The following FGF12 variants were observed in gnomAD, a reference collection of about 807,000 sequenced individuals.
The protein encoded by FGF12 is fibroblast growth factor 12B.
In FGF12, 14 loss-of-function variants were observed where a neutral mutation model predicts 23.6. The ratio of observed to expected loss-of-function variants is 0.59; its 90% CI spans 0.39 to 0.93. FGF12 has a LOEUF of 0.93. Among genes scored for constraint, FGF12 ranks in the 40% least tolerant of loss-of-function variants. FGF12 has a pLI of 0.00. For synonymous variants in FGF12, 62 were observed against 77.3 expected (o/e 0.80, Z 1.04); for missense variants, 175 against 217.8 (o/e 0.80, Z 1.24).
At chr3:192,403,904 A>T (rs73193592) in intron 2 of FGF12, among the ~76,000 whole-genome samples, 139 of 152,310 alleles carry the variant, frequency 9.1e-4, no homozygotes, top group Non-Finnish European at 1.7e-3. Flanking sequence ...GCATCTACCG[A>T]AACAATGTAA....
intron 2 of FGF12, among the ~76,000 whole-genome samples, chr3:192,361,026 G>C (rs1232481228): frequency 6.6e-6 from 1 of 152,014 alleles, no homozygotes; most frequent in Non-Finnish European, 1.5e-5. Flanking sequence ...AGAAAGAATA[G>C]TTTGGAGAAG....
chr3:192,699,676 G>A (rs995037224), intron 2 of FGF12, among the ~76,000 whole-genome samples: 1 of 152,112 alleles, frequency 6.6e-6, no homozygotes, highest in Non-Finnish European at 1.5e-5. Context: ...AATTTATCCT[G>A]AGCTTGACCT....
chr3:192,682,708 A>G, intron 2 of FGF12, among the ~76,000 whole-genome samples: 1 of 152,162 alleles, frequency 6.6e-6, no homozygotes, highest in East Asian at 1.9e-4. Flanking sequence ...CCCATGAACC[A>G]CACCTGAGTT....
chr3:192,510,349 C>T lies in FGF12; in HGVS notation c.14-149811G>A, dbSNP rs567805457. On this transcript the variant is annotated intron_variant, in intron 2 of 5. Transcript: ENST00000445105. ...GAGACACCTCAACAAAGAAAATACACAGGTGGCAAGCAAGGATATGAAAAG... is the reference window on the plus strand; with the variant it reads ...GAGACACCTCAACAAAGAAAATACATAGGTGGCAAGCAAGGATATGAAAAG... Among the ~76,000 whole-genome samples, 48 of 152,296 alleles carry T rather than the reference C, an allele frequency of 3.2e-4. No homozygotes were observed. The South Asian group carries it at 9.7e-3, about 31-fold the overall frequency.
intron 4 of FGF12, among the ~76,000 whole-genome samples, chr3:192,318,511 G>A (rs1045287547): frequency 2.6e-5 from 4 of 152,020 alleles, no homozygotes; most frequent in African/African-American, 9.7e-5. Context: ...CTTGAAGACA[G>A]CCTATTTGAA....
At chr3:192,398,208 A>G (rs966106981) in intron 2 of FGF12, among the ~76,000 whole-genome samples, 1 of 152,226 alleles carries the variant, frequency 6.6e-6, no homozygotes, top group Non-Finnish European at 1.5e-5. Context: ...TAATTAAACC[A>G]TGGGATGCAG....
chr3:192,361,076 G>A (rs539533082), intron 2 of FGF12, among the ~76,000 whole-genome samples: 153 of 143,006 alleles, frequency 1.1e-3, no homozygotes, highest in African/African-American at 3.7e-3. Flanking sequence ...GCCATGAGAT[G>A]TCACTGGCAA....
chr3:192,685,607 G>C (rs1577120563), intron 2 of FGF12, among the ~76,000 whole-genome samples: 1 of 152,114 alleles, frequency 6.6e-6, no homozygotes, highest in African/African-American at 2.4e-5. Flanking sequence ...CAAGGGGAAA[G>C]GTAGGGAAGG....
intron 2 of FGF12, among the ~76,000 whole-genome samples, chr3:192,374,328 T>C (rs1719377002): frequency 6.6e-6 from 1 of 152,210 alleles, no homozygotes; most frequent in African/African-American, 2.4e-5. Flanking sequence ...GGATCACCTG[T>C]GTAGTCATAA....
At chr3:192,222,009 G>T (rs745468156) in intron 4 of FGF12, among the ~76,000 whole-genome samples, 1 of 152,182 alleles carries the variant, frequency 6.6e-6, no homozygotes, top group Admixed American at 6.6e-5. Context: ...CAGGAAAGGT[G>T]TGGTATGAAG....
At chr3:192,413,041 G>A (rs765626499) in intron 2 of FGF12, among the ~76,000 whole-genome samples, 1 of 152,080 alleles carries the variant, frequency 6.6e-6, no homozygotes, top group African/African-American at 2.4e-5. Context: ...TAATTATGTA[G>A]TTATATTTAG....
At chr3:192,322,075 A>G (rs1337133840) in intron 4 of FGF12, among the ~76,000 whole-genome samples, 3 of 151,820 alleles carry the variant, frequency 2.0e-5, no homozygotes, top group Non-Finnish European at 4.4e-5. Context: ...AAACCTAAGG[A>G]CAAAAAAAAA....
chr3:192,668,411 G>T (rs929727178), intron 2 of FGF12, among the ~76,000 whole-genome samples: 5 of 152,138 alleles, frequency 3.3e-5, no homozygotes, highest in African/African-American at 1.2e-4. Context: ...CTCCTGCCTA[G>T]TAGGAGAGTC....
intron 2 of FGF12, among the ~76,000 whole-genome samples, chr3:192,573,609 T>G (rs570604105): frequency 6.6e-6 from 1 of 152,218 alleles, no homozygotes; most frequent in East Asian, 1.9e-4. Context: ...TGGACCAGCC[T>G]CAATAATCAC....
intron 4 of FGF12, among the ~76,000 whole-genome samples, chr3:192,172,147 G>A (rs1030199362): frequency 2.0e-5 from 3 of 151,490 alleles, no homozygotes; most frequent in Admixed American, 1.3e-4. Context: ...CCAGCACTTC[G>A]GGAGGTTGAG....
At chr3:192,173,506 G>T (rs937099589) in intron 4 of FGF12, among the ~76,000 whole-genome samples, 13 of 139,200 alleles carry the variant, frequency 9.3e-5, no homozygotes, top group African/African-American at 3.3e-4. Context: ...CAATATAGAT[G>T]ATAATATTAA....
intron 2 of FGF12, among the ~76,000 whole-genome samples, chr3:192,698,951 C>A (rs890605403): frequency 1.3e-5 from 2 of 152,050 alleles, no homozygotes; most frequent in Non-Finnish European, 2.9e-5. Flanking sequence ...CCCCTTTGAC[C>A]CTTTCAGAAA....
At chr3:192,182,032 C>A (rs1716208992) in intron 4 of FGF12, among the ~76,000 whole-genome samples, 1 of 151,708 alleles carries the variant, frequency 6.6e-6, no homozygotes, top group Admixed American at 6.6e-5. Context: ...ATTTTTAAAA[C>A]CCAATAAAAA....
At chr3:192,308,497 G>A (rs905849231) in intron 4 of FGF12, among the ~76,000 whole-genome samples, 1 of 152,058 alleles carries the variant, frequency 6.6e-6, no homozygotes, top group Non-Finnish European at 1.5e-5. Context: ...GACCAACATG[G>A]AGAAACCCCA....
Sources: gnomAD v4.1 joint callset for allele counts (sites outside exome capture counted in the v4.1 genomes callset) on GRCh38, gnomAD v4.1.1 for gene constraint, MANE v1.5 for transcripts, NCBI Gene and HGNC (gene_info 2026-07-23, HGNC 2026-07-21) for gene names.